Variants in WDR64 observed in about 807,000 individuals in gnomAD.
WDR64 encodes WD repeat-containing protein 64.
In WDR64, 112 loss-of-function variants were observed where a neutral mutation model predicts 139.3. The observed-to-expected ratio is 0.80, with a 90% CI of 0.69 to 0.94. The LOEUF (loss-of-function observed/expected upper bound fraction) is 0.94, where lower values mean the gene tolerates loss of function less well. Ranked by LOEUF, WDR64 falls within the 40% of genes least tolerant of loss-of-function variation. WDR64 has a pLI of 0.00. For missense variants in WDR64, 1,206 were observed against 1,293.1 expected (o/e 0.93, Z 1.03); for synonymous variants, 444 against 437.7 (o/e 1.01, Z -0.18).
chr1:241,723,271 CA>C, intron 9 of WDR64, 25 bp from the exon 10 acceptor site: 3 of 1,612,020 alleles, frequency 1.9e-6, no homozygotes, highest in Non-Finnish European at 2.5e-6. Context: ...AGAAAACCAA[CA>C]ATCTTTCCCT....
chr1:241,738,256 G>A (rs1385390858), intron 10 of WDR64, 107 bp from the exon 11 acceptor site: 1 of 1,326,908 alleles, frequency 7.5e-7, no homozygotes, highest in East Asian at 2.5e-5. Flanking sequence ...TAATACTTTG[G>A]TATAAGTTTA....
chr1:241,717,124 A>G (rs1055600672), intron 9 of WDR64, among the ~76,000 whole-genome samples: 1 of 152,170 alleles, frequency 6.6e-6, no homozygotes, highest in African/African-American at 2.4e-5. Context: ...ACAATTCCCA[A>G]TGAAAAGCAA....
intron 6 of WDR64, among the ~76,000 whole-genome samples, chr1:241,682,690 TTCCTCTCAACC>T (rs1374731129): frequency 6.6e-6 from 1 of 152,182 alleles, no homozygotes; most frequent in Non-Finnish European, 1.5e-5. Flanking sequence ...GCTAGACTCC[TTCCTCTCAACC>T]TCCTCTTAAT....
intron 10 of WDR64, among the ~76,000 whole-genome samples, chr1:241,735,533 C>CTCCCTTTTTTTTTTTTTTTTTTT (rs1553373537): frequency 3.9e-5 from 4 of 103,514 alleles, no homozygotes; most frequent in African/African-American, 1.5e-4. Flanking sequence ...CTCTCTCTCT[C>CTCCCTTTTTTTTTTTTTTTTTTT]TTTTTTTTTT....
At position 241,703,389 on chromosome 1, in the gene WDR64, C is replaced by T. The variant is rs927594165; in HGVS notation, c.975-8413C>T. Among the ~76,000 whole-genome samples the T allele has an allele frequency of 6.6e-6, 1 of 151,980 alleles. No homozygotes were observed. Among genetic ancestry groups the T allele is most frequent in the Non-Finnish European group, 1.5e-5 (1 of 68,020 alleles). ...TCACGCTCATTAATTCATGGAACAACAGGAGAAAAGTCTGAGATGAAGCAT... is the reference window on the plus strand; with the variant it reads ...TCACGCTCATTAATTCATGGAACAATAGGAGAAAAGTCTGAGATGAAGCAT... On this transcript the variant is annotated intron_variant, in intron 8 of 27. Coordinates refer to ENST00000437684, the MANE Select transcript of WDR64 (RefSeq NM_001367482.1). The surrounding 1 kb of genome is among the most constrained non-coding windows in gnomAD (Gnocchi z 5.9).
chr1:241,777,539 TC>T (rs1339074873), intron 21 of WDR64, among the ~76,000 whole-genome samples: 3 of 151,748 alleles, frequency 2.0e-5, no homozygotes, highest in East Asian at 1.9e-4. Context: ...CACCTCAGCC[TC>T]CCAAGTAGCT....
intron 18 of WDR64, among the ~76,000 whole-genome samples, chr1:241,771,297 C>T (rs1658419451): frequency 6.6e-6 from 1 of 152,158 alleles, no homozygotes; most frequent in Non-Finnish European, 1.5e-5. Flanking sequence ...AGCTTTAGAG[C>T]TGCCACTTAA....
intron 10 of WDR64, among the ~76,000 whole-genome samples, chr1:241,732,412 C>T (rs1255161516): frequency 6.6e-6 from 1 of 152,096 alleles, no homozygotes; most frequent in Non-Finnish European, 1.5e-5. Context: ...AACACCTAGG[C>T]TAGAATTTTG....
rs180974027 is a variant in WDR64, at chr1:241,775,044, T to C, written c.2431-61T>C. 1.1e-5 allele frequency: 15 copies of C among 1,308,220 alleles called. No individual in the cohort carries two copies. In the African/African-American group the frequency reaches 1.9e-4, roughly 17 times the overall value. 81.0% of individuals were successfully genotyped at this position (1,308,220 alleles called of 1,614,324 possible). A position where few individuals can be genotyped will look rare whatever the true frequency, so the allele number is the denominator to read the frequency against. ...TTACATAGAAAAATCAATTTCAATATTAAGATTTTATAAGACTTACTAGCA... is the reference window on the plus strand; with the variant it reads ...TTACATAGAAAAATCAATTTCAATACTAAGATTTTATAAGACTTACTAGCA... On this transcript the variant is annotated intron_variant, in intron 20 of 27. Transcript: ENST00000437684.
At position 241,801,315 on chromosome 1, in the gene WDR64, T is replaced by G. The variant is rs939051550; in HGVS notation, c.*100T>G. On this transcript the variant is annotated 3_prime_UTR_variant, in exon 28 of 28. Transcript: ENST00000437684. ...GAGAGGGAGAAACCACCAGACACTA[T>G]CAGTCATCTCTGGTGTCAGGCCATC... is the stretch of plus-strand genomic sequence containing the variant. 3.9e-6 allele frequency: 4 copies of G among 1,030,318 alleles called. No individual in the cohort carries two copies. The African/African-American group carries it at 6.4e-5, about 16-fold the overall frequency. The allele number at this position is 1,030,318 out of a possible 1,614,324, so 63.8% of individuals were successfully genotyped here. A position where few individuals can be genotyped will look rare whatever the true frequency, so the allele number is the denominator to read the frequency against.
At chr1:241,775,791 AG>A (rs1177558948) in intron 21 of WDR64, among the ~76,000 whole-genome samples, 2 of 152,172 alleles carry the variant, frequency 1.3e-5, no homozygotes, top group African/African-American at 4.8e-5. Flanking sequence ...ATGTGTAAAA[AG>A]TTTTATTTTA....
intron 8 of WDR64, among the ~76,000 whole-genome samples, chr1:241,691,547 G>A (rs1300524128): frequency 6.6e-6 from 1 of 152,040 alleles, no homozygotes; most frequent in African/African-American, 2.4e-5. Flanking sequence ...AGGAATAGAG[G>A]GAACATCATC....
intron 9 of WDR64, among the ~76,000 whole-genome samples, chr1:241,715,397 G>C (rs1046999344): frequency 2.0e-5 from 3 of 152,102 alleles, no homozygotes; most frequent in Non-Finnish European, 2.9e-5. Flanking sequence ...GACTGTCTTG[G>C]CTTATTACTT....
chr1:241,790,481 C>T, intron 24 of WDR64, 110 bp from the exon 25 acceptor site: 1 of 860,418 alleles, frequency 1.2e-6, no homozygotes. Flanking sequence ...GGACTGATGC[C>T]ATAGGAACCA....
At chr1:241,715,241 GTTAT>G (rs1668358699) in intron 9 of WDR64, among the ~76,000 whole-genome samples, 1 of 152,118 alleles carries the variant, frequency 6.6e-6, no homozygotes, top group Admixed American at 6.6e-5. Flanking sequence ...ACTAATTACA[GTTAT>G]TTAAAGATCT....
chr1:241,796,235 C>CT, intron 26 of WDR64, 22 bp from the exon 27 acceptor site: 1 of 1,570,834 alleles, frequency 6.4e-7, no homozygotes, highest in Non-Finnish European at 8.8e-7. Flanking sequence ...GTGTGTCTCA[C>CT]TGACTAATTT....
At chr1:241,781,881 G>A (rs1476243129) in intron 22 of WDR64, among the ~76,000 whole-genome samples, 1 of 152,222 alleles carries the variant, frequency 6.6e-6, no homozygotes, top group Non-Finnish European at 1.5e-5. Flanking sequence ...TGTTCATGGA[G>A]TCATGAAGCA....
At chr1:241,729,872 T>C (rs1331464329) in intron 10 of WDR64, among the ~76,000 whole-genome samples, 1 of 152,224 alleles carries the variant, frequency 6.6e-6, no homozygotes, top group Non-Finnish European at 1.5e-5. Context: ...TCTTTGATAA[T>C]TGGAAACATC....
intron 12 of WDR64, 89 bp from the exon 13 acceptor site, chr1:241,744,304 T>A (rs555381426): frequency 2.2e-5 from 34 of 1,526,392 alleles, no homozygotes; most frequent in Non-Finnish European, 2.8e-5. Flanking sequence ...AGTTCCATTT[T>A]TGAGGCTGTT....
Sources: gnomAD v4.1 joint callset for allele counts (sites outside exome capture counted in the v4.1 genomes callset) on GRCh38, gnomAD v4.1.1 for gene constraint, Gnocchi (gnomAD v3.1) non-coding constraint, MANE v1.5 for transcripts, NCBI Gene and HGNC (gene_info 2026-07-23, HGNC 2026-07-21) for gene names.